NGF: variants seen among roughly 807,000 people sequenced by gnomAD.
The protein encoded by NGF is nerve growth factor, also known as beta-nerve growth factor.
Under a neutral mutation model 12.8 loss-of-function variants are expected in NGF, and 4 were observed. That is an observed-to-expected ratio of 0.31 (90% CI 0.15 to 0.72). The LOEUF is 0.72. NGF is among the 30% of genes least tolerant of loss of function. NGF has a pLI of 0.69. For synonymous variants in NGF, 140 were observed against 130.0 expected (o/e 1.08, Z -0.52); for missense variants, 283 against 330.8 (o/e 0.86, Z 1.12).
intron 2 of NGF, among the ~76,000 whole-genome samples, chr1:115,288,772 T>C (rs1224064260): frequency 6.6e-6 from 1 of 152,162 alleles, no homozygotes; most frequent in Non-Finnish European, 1.5e-5. Flanking sequence ...ATGTAGTAGG[T>C]ACTCAAAAAA....
At chr1:115,319,032 G>A (rs572497043) in intron 1 of NGF, among the ~76,000 whole-genome samples, 17 of 152,304 alleles carry the variant, frequency 1.1e-4, no homozygotes, top group South Asian at 4.1e-4. Flanking sequence ...TCTCACTAGC[G>A]TCCTGGTGGG....
At chr1:115,334,317 A>G (rs1411675553) in intron 1 of NGF, among the ~76,000 whole-genome samples, 3 of 152,152 alleles carry the variant, frequency 2.0e-5, no homozygotes, top group African/African-American at 7.2e-5. Flanking sequence ...CAAAGGAGGG[A>G]AGGATTTCCT....
intron 1 of NGF, among the ~76,000 whole-genome samples, chr1:115,300,043 A>G (rs1404090110): frequency 6.6e-6 from 1 of 152,256 alleles, no homozygotes; most frequent in Non-Finnish European, 1.5e-5. Context: ...AAACGGTGCC[A>G]GTGAATGTTA....
chr1:115,295,550 A>C (rs1653841420), intron 1 of NGF, among the ~76,000 whole-genome samples: 1 of 152,132 alleles, frequency 6.6e-6, no homozygotes, highest in African/African-American at 2.4e-5. Context: ...CTAGTCCATA[A>C]ACCCTTCATC....
intron 1 of NGF, among the ~76,000 whole-genome samples, chr1:115,320,780 G>A (rs1178035844): frequency 1.3e-5 from 2 of 152,178 alleles, no homozygotes; most frequent in Non-Finnish European, 2.9e-5. Context: ...ATGAAGTGTT[G>A]GTAAAAAATG....
intron 1 of NGF, among the ~76,000 whole-genome samples, chr1:115,332,055 TCA>T (rs1340318453): frequency 6.6e-6 from 1 of 152,206 alleles, no homozygotes; most frequent in Non-Finnish European, 1.5e-5. Context: ...ATAGCAAAAT[TCA>T]CTTTCTCTTT....
chr1:115,296,556 G>A (rs1653876899), intron 1 of NGF, among the ~76,000 whole-genome samples: 1 of 152,114 alleles, frequency 6.6e-6, no homozygotes, highest in African/African-American at 2.4e-5. Flanking sequence ...GCAATTTCTG[G>A]ACCAAGTCAC....
At chr1:115,326,719 A>G (rs1462143634) in intron 1 of NGF, among the ~76,000 whole-genome samples, 1 of 152,140 alleles carries the variant, frequency 6.6e-6, no homozygotes, top group African/African-American at 2.4e-5. Flanking sequence ...GAGGAGCCAG[A>G]ACTGCTCAAT....
chr1:115,324,313 C>T (rs1654710154), intron 1 of NGF, among the ~76,000 whole-genome samples: 2 of 152,122 alleles, frequency 1.3e-5, no homozygotes, highest in Admixed American at 6.5e-5. Context: ...TATGTCTAAA[C>T]AGGACTCAGT....
intron 1 of NGF, among the ~76,000 whole-genome samples, chr1:115,335,081 A>G (rs1187021008): frequency 6.6e-6 from 1 of 152,218 alleles, no homozygotes; most frequent in African/African-American, 2.4e-5. Flanking sequence ...TAGCCCAGAG[A>G]GGAGCAATGA....
At chr1:115,317,450 C>T (rs138466349) in intron 1 of NGF, among the ~76,000 whole-genome samples, 29 of 152,284 alleles carry the variant, frequency 1.9e-4, no homozygotes, top group African/African-American at 6.0e-4. Context: ...AGCTTAAAAG[C>T]CAGGCTGGTA....
Position 115,333,962 on chromosome 1 carries a change from C to T in NGF, c.-137+4242G>A, listed in dbSNP as rs116092112. 2.9e-3 allele frequency among the ~76,000 whole-genome samples: 437 copies of T among 152,004 alleles called. 1 individual carries two copies. Among genetic ancestry groups the T allele is most frequent in the African/African-American group, 9.9e-3 (410 of 41,406 alleles). ...AAAGCATGTGTTCCTATAATACCCT[C>T]CTACCCTCTGAAGACATTATTCATT... is the stretch of plus-strand genomic sequence containing the variant. On this transcript the variant is annotated intron_variant, in intron 1 of 2. Transcript: ENST00000369512.
At chr1:115,312,647 G>A (rs1349836562) in intron 1 of NGF, among the ~76,000 whole-genome samples, 1 of 152,032 alleles carries the variant, frequency 6.6e-6, no homozygotes, top group East Asian at 1.9e-4. Context: ...TATTTGCCTT[G>A]GTGTCTAGGT....
intron 2 of NGF, among the ~76,000 whole-genome samples, chr1:115,287,823 A>G (rs1020049580): frequency 2.0e-5 from 3 of 152,168 alleles, no homozygotes; most frequent in Non-Finnish European, 4.4e-5. Context: ...AGAGGACTCC[A>G]TACTGCACTG....
chr1:115,312,448 A>C (rs1284105732), intron 1 of NGF, among the ~76,000 whole-genome samples: 1 of 152,192 alleles, frequency 6.6e-6, no homozygotes, highest in African/African-American at 2.4e-5. Flanking sequence ...ATATAGCAGA[A>C]GTGACACGAC....
At chr1:115,291,808 G>T (rs1323310988) in intron 2 of NGF, among the ~76,000 whole-genome samples, 1 of 152,222 alleles carries the variant, frequency 6.6e-6, no homozygotes, top group Non-Finnish European at 1.5e-5. Context: ...CCAAATATTT[G>T]TGGTTAGGAG....
rs78245088 is a variant in NGF, at chr1:115,301,297, C to A, written c.-136-7547G>T. On this transcript the variant is annotated intron_variant, in intron 1 of 2. Transcript: ENST00000369512. ...TCTCAATCACCACACAATCACCGCACTTCTCAATCTTTAGCAAGAGACTTA... is the reference window on the plus strand; with the variant it reads ...TCTCAATCACCACACAATCACCGCAATTCTCAATCTTTAGCAAGAGACTTA... Among the ~76,000 whole-genome samples, 412 of 152,280 alleles carry A rather than the reference C, an allele frequency of 2.7e-3. 3 individuals are homozygous for A. Among genetic ancestry groups the A allele is most frequent in the African/African-American group, 9.3e-3 (387 of 41,552 alleles).
intron 1 of NGF, among the ~76,000 whole-genome samples, chr1:115,309,245 T>C (rs1490408170): frequency 1.3e-5 from 2 of 152,142 alleles, no homozygotes. Flanking sequence ...GACTTGGTAA[T>C]ATGAGAATAA....
chr1:115,305,285 T>C (rs1354507100), intron 1 of NGF, among the ~76,000 whole-genome samples: 1 of 152,188 alleles, frequency 6.6e-6, no homozygotes, highest in African/African-American at 2.4e-5. Context: ...TCCTCTTCAT[T>C]TGACAGATAA....
Sources: allele counts gnomAD v4.1 joint callset (sites outside exome capture counted in the v4.1 genomes callset), GRCh38; gene constraint gnomAD v4.1.1; transcripts MANE v1.5; gene names NCBI Gene and HGNC (gene_info 2026-07-23, HGNC 2026-07-21).